Variants in UXT observed in about 807,000 individuals in gnomAD.
UXT encodes protein UXT.
For missense variants in UXT, 111 were observed against 132.7 expected (o/e 0.84, Z 0.80); for synonymous variants, 54 against 52.8 (o/e 1.02, Z -0.10).
intron 4 of UXT, among the ~76,000 whole-genome samples, chrX:47,656,411 C>G (rs1288308300): frequency 9.0e-6 from 1 of 111,680 alleles, no homozygotes; most frequent in Non-Finnish European, 1.9e-5. Flanking sequence ...AGGGAATAAA[C>G]CAAATCTCCC....
At chrX:47,653,177 A>G (rs2058073296) in intron 4 of UXT, among the ~76,000 whole-genome samples, 1 of 111,598 alleles carries the variant, frequency 9.0e-6, no homozygotes, top group African/African-American at 3.3e-5. Context: ...ATAATAAGGA[A>G]TGTGGATTTT....
In UXT at chrX:47,652,134, T is replaced by C; in HGVS notation, c.403A>G (p.Ser135Gly). ...ATATTCATGGAGTCCTTGGTGAGGCTGTTGCTGAGCCTAGAGAAAAGAAAC... is the reference window on the plus strand; with the variant it reads ...ATATTCATGGAGTCCTTGGTGAGGCCGTTGCTGAGCCTAGAGAAAAGAAAC... Residue 135 changes from serine (S) to glycine (G), a missense_variant, in exon 5 of 6, where the codon AGC (serine) becomes GGC (glycine). Transcript: ENST00000335890. The C allele has an allele frequency of 8.3e-7, 1 of 1,206,642 alleles. No homozygotes were observed. Among genetic ancestry groups the C allele is most frequent in the Non-Finnish European group, 1.1e-6 (1 of 892,577 alleles).
intron 4 of UXT, 104 bp downstream of exon 5, chrX:47,657,079 G>C: frequency 1.5e-6 from 1 of 658,214 alleles, no homozygotes; most frequent in Non-Finnish European, 2.3e-6. Context: ...TGAAGAGGAG[G>C]GGAGATGAGT....
At position 47,657,285 on chromosome X, in the gene UXT, T is replaced by C; in HGVS notation, c.290A>G (p.Asp97Gly). 8.3e-7 allele frequency: 1 copy of C among 1,198,478 alleles called. No homozygotes were observed. Among genetic ancestry groups the C allele is most frequent in the Non-Finnish European group, 1.1e-6 (1 of 886,319 alleles). ...CAGGGCCACATAGATGCGTGAAGTATCTGGGCTGAGGAAAGAGAGGTTAGA... is the reference window on the plus strand; with the variant it reads ...CAGGGCCACATAGATGCGTGAAGTACCTGGGCTGAGGAAAGAGAGGTTAGA... The change falls in exon 4 of 6, where the codon GAT (aspartate) becomes GGT (glycine). Residue 97 changes from aspartate (D) to glycine (G), a missense_variant. Transcript: ENST00000335890.
At chrX:47,656,738 G>C (rs931289544) in intron 4 of UXT, among the ~76,000 whole-genome samples, 26 of 111,884 alleles carry the variant, frequency 2.3e-4, no homozygotes, top group African/African-American at 8.5e-4. Context: ...GAAGGTGAGT[G>C]TGGCAGGAAC....
chrX:47,658,352 T>C (rs761077371), intron 1 of UXT, among the ~76,000 whole-genome samples: 1 of 111,749 alleles, frequency 8.9e-6, no homozygotes, highest in African/African-American at 3.3e-5. Flanking sequence ...TTAACAAAGA[T>C]TGCAATAATA....
At chrX:47,655,277 T>C (rs2058080272) in intron 4 of UXT, among the ~76,000 whole-genome samples, 1 of 111,926 alleles carries the variant, frequency 8.9e-6, no homozygotes, top group Admixed American at 9.5e-5. Context: ...CAAAATTCCG[T>C]CTCAAAAACA....
Position 47,659,079 on chromosome X carries a change from C to A in UXT, c.-116G>T. The A allele has an allele frequency of 9.1e-7, 1 of 1,096,279 alleles. No homozygotes were observed. Among genetic ancestry groups the A allele is most frequent in the Non-Finnish European group, 1.2e-6 (1 of 803,148 alleles). 90.3% of individuals were successfully genotyped at this position (1,096,279 alleles called of 1,213,427 possible). On this transcript the variant is annotated 5_prime_UTR_variant, in exon 1 of 6. Transcript: ENST00000335890. ...CCTTCCGCCCCTCCCAACTCGGGGA[C>A]CCGACCACCCAGGGACACCCAAGCG...
At chrX:47,657,128 AAG>A (rs199629287) in intron 4 of UXT, 53 bp downstream of exon 5, 22,463 of 981,156 alleles carry the variant, frequency 0.023, 258 homozygotes, top group Middle Eastern at 0.053. Flanking sequence ...GTAAAGGGAG[AAG>A]AGTGTTGGAA....
At position 47,658,863 on chromosome X, in the gene UXT, G is replaced by A. The variant is rs2058093165; in HGVS notation, c.101C>T (p.Thr34Ile). ...CCGCTGCAGCACGTCACTGATGAAG[G>A]TCTCGTAGCGCAGCACTTTCTCCCC... The change falls in exon 1 of 6, where the codon ACC becomes ATC. Residue 34 changes from threonine to isoleucine, a missense_variant. Transcript: ENST00000335890. 2 of 1,160,877 alleles carry A rather than the reference G, an allele frequency of 1.7e-6. No individual in the cohort carries two copies. Among genetic ancestry groups the A allele is most frequent in the African/African-American group, 1.8e-5 (1 of 56,512 alleles).
intron 4 of UXT, 137 bp downstream of exon 5, chrX:47,657,046 C>T (rs899710674): frequency 4.0e-6 from 2 of 502,800 alleles, no homozygotes; most frequent in African/African-American, 4.8e-5. Flanking sequence ...GGCTTTGCAA[C>T]CCCATTTCTT....
chrX:47,657,532 G>A (rs1161837153), intron 3 of UXT, 40 bp downstream of exon 4: 12 of 1,173,384 alleles, frequency 1.0e-5, no homozygotes, highest in Non-Finnish European at 1.4e-5. Flanking sequence ...GAAGGGGTAA[G>A]CTGAACCCTG....
rs1281873423 is a variant in UXT, at chrX:47,653,416, A to T, written c.393-1272T>A. On this transcript the variant is annotated intron_variant, in intron 4 of 5. Transcript: ENST00000335890. ...CACTTCAGTGTTTAATAAGTGCCTCATACTTAACAGGTTCCAGACTAAATT... is the reference window on the plus strand; with the variant it reads ...CACTTCAGTGTTTAATAAGTGCCTCTTACTTAACAGGTTCCAGACTAAATT... Among the ~76,000 whole-genome samples, 3 of 111,640 alleles carry T rather than the reference A, an allele frequency of 2.7e-5. No homozygotes were observed. The East Asian group carries it at 8.4e-4, about 31-fold the overall frequency.
intron 4 of UXT, among the ~76,000 whole-genome samples, chrX:47,656,652 G>A (rs1478238462): frequency 9.0e-6 from 1 of 111,537 alleles, no homozygotes; most frequent in African/African-American, 3.3e-5. Flanking sequence ...GGGGGAAAGA[G>A]CAGTGCAGGC....
chrX:47,655,381 C>T (rs1342110104), intron 4 of UXT, among the ~76,000 whole-genome samples: 1 of 112,327 alleles, frequency 8.9e-6, no homozygotes, highest in Admixed American at 9.4e-5. Flanking sequence ...GGTCTGAACA[C>T]CAAGAATCAG....
At chrX:47,657,158 C>T (rs1323253704) in intron 4 of UXT, 25 bp downstream of exon 5, 11 of 1,132,114 alleles carry the variant, frequency 9.7e-6, no homozygotes, top group Non-Finnish European at 1.3e-5. Flanking sequence ...TGTTTTTACA[C>T]ACTATCCTCA....
At chrX:47,652,239 T>C in intron 4 of UXT, 95 bp from the exon 6 acceptor site, 1 of 849,818 alleles carries the variant, frequency 1.2e-6, no homozygotes, top group Non-Finnish European at 1.7e-6. Flanking sequence ...CCTGGATGAT[T>C]TCCACCTGGC....
rs976658012 is a variant in UXT at position 47,659,034 on chromosome X, G to A, written c.-71C>T. 38 of 1,194,884 alleles carry A rather than the reference G, an allele frequency of 3.2e-5. No homozygotes were observed. Among genetic ancestry groups the A allele is most frequent in the Non-Finnish European group, 4.3e-5 (38 of 883,501 alleles). ...CTCAACGCTGGGAATCGGCTTGTCC[G>A]GCTCAAGCTGGAGGTTCAGCCTTCC... On this transcript the variant is annotated 5_prime_UTR_variant, in exon 1 of 6. Coordinates refer to ENST00000335890, the MANE Select transcript of UXT (RefSeq NM_153477.3).
intron 3 of UXT, 133 bp downstream of exon 4, chrX:47,657,439 T>C: frequency 1.3e-6 from 1 of 795,531 alleles, no homozygotes; most frequent in Non-Finnish European, 1.8e-6. Context: ...CCCCAGCACC[T>C]AGCTTATATC....
Sources: gnomAD v4.1 joint callset for allele counts (sites outside exome capture counted in the v4.1 genomes callset) on GRCh38, gnomAD v4.1.1 for gene constraint, MANE v1.5 for transcripts, NCBI Gene and HGNC (gene_info 2026-07-23, HGNC 2026-07-21) for gene names.